The following WIZ variants were observed in gnomAD, a reference collection of about 807,000 sequenced individuals.
WIZ encodes WIZ zinc finger, also known as protein Wiz.
A neutral mutation model predicts 140.2 loss-of-function variants in WIZ; 25 were observed. That is an observed-to-expected ratio of 0.18 (90% CI 0.13 to 0.25). The LOEUF (loss-of-function observed/expected upper bound fraction) is 0.25, where lower values mean the gene tolerates loss of function less well. WIZ is among the 10% of genes least tolerant of loss of function. The pLI is 1.00. For missense variants in WIZ, 2,231 were observed against 2,632.6 expected (o/e 0.85, Z 3.34); for synonymous variants, 1,125 against 1,154.3 (o/e 0.97, Z 0.51).
chr19:15,433,445 G>T, intron 5 of WIZ: 2 of 739,710 alleles, frequency 2.7e-6, no homozygotes, highest in Non-Finnish European at 1.7e-6. Context: ...CCCAGACCTA[G>T]CCCTAATGTT....
At chr19:15,441,892 C>T (rs576190802) in intron 3 of WIZ, among the ~76,000 whole-genome samples, 23 of 152,146 alleles carry the variant, frequency 1.5e-4, no homozygotes, top group Non-Finnish European at 2.4e-4. Flanking sequence ...TCCTGATAAA[C>T]TTACTATGAC....
At position 15,429,852 on chromosome 19, in the gene WIZ, G is replaced by A. The variant is rs1341902564; in HGVS notation, c.3149C>T (p.Ala1050Val). Reference sequence around the variant, plus strand: ...CAGGCTGAGCAAGCCGGGCCGGGGGGCCCCGGCGACCACCTCCTTCAGTGA... The same window carrying A: ...CAGGCTGAGCAAGCCGGGCCGGGGGACCCCGGCGACCACCTCCTTCAGTGA... ...SSSLKEVVAG[A>V]PRPGLLSLAK... Residue 1050 changes from alanine (A) to valine (V), a missense_variant, in exon 7 of 13, where the codon GCC (alanine) becomes GTC (valine). Transcript: ENST00000673675. 5 of 1,530,020 alleles carry A rather than the reference G, an allele frequency of 3.3e-6. No individual in the cohort carries two copies. The highest frequency in any genetic ancestry group is 4.4e-6 in the Non-Finnish European group (5 of 1,142,782). The allele number at this position is 1,530,020 out of a possible 1,614,324, so 94.8% of individuals were successfully genotyped here. A position where few individuals can be genotyped will look rare whatever the true frequency, so the allele number is the denominator to read the frequency against.
In WIZ at chr19:15,427,056, G is replaced by T. The variant is rs1232838704; in HGVS notation, c.4292C>A (p.Ala1431Asp). ...VEIKREMLPGALHGELHPSEG... is the reference protein window; with the variant it reads ...VEIKREMLPGDLHGELHPSEG... The stretch of plus-strand genomic sequence containing the variant: ...AGATGGGTGCAGTTCCCCATGAAGG[G>T]CCCCCGGCAGCATCTCCCGCTTGAT... Residue 1431 changes from alanine to aspartate, a missense_variant, in exon 9 of 13, where the codon GCC (alanine) becomes GAC (aspartate). Transcript: ENST00000673675. The surrounding 1 kb of genome is among the most constrained non-coding windows in gnomAD (Gnocchi z 6.4). The T allele has an allele frequency of 1.2e-6, 2 of 1,614,130 alleles. No individual in the cohort carries two copies.
rs772612522 is a variant in WIZ at position 15,431,118 on chromosome 19, C to T, written c.2805G>A (p.Lys935=). The T allele has an allele frequency of 1.3e-6, 2 of 1,535,522 alleles. No homozygotes were observed. The highest frequency in any genetic ancestry group is 1.7e-6 in the Non-Finnish European group (2 of 1,146,660). Residue 935 remains lysine (K), a synonymous_variant, in exon 6 of 13, where the codon AAG becomes AAA. Coordinates refer to ENST00000673675, the MANE Select transcript of WIZ (RefSeq NM_001371589.1). ...CCAGGGCCCCAGGGACAGGCAGGCT[C>T]TTCTTAGGGAGCGAGGGAGAGCCCA... The part of the protein sequence containing the change: ...MDLGSPSLPK[K]SLPVPGALEQ...
In WIZ at chr19:15,430,995, C is replaced by G. The variant is rs1403195809; in HGVS notation, c.2911+17G>C. On this transcript the variant is annotated intron_variant, in intron 6 of 12. Transcript: ENST00000673675. ...AGCCTGGCCAGCATCCCCTGCCATG[C>G]CACCTGGGCCACTCACCCTTGAGGT... 4 of 1,505,234 alleles carry G rather than the reference C, an allele frequency of 2.7e-6. No individual in the cohort carries two copies. In the African/African-American group the frequency reaches 5.5e-5, roughly 21 times the overall value. 93.2% of individuals were successfully genotyped at this position (1,505,234 alleles called of 1,614,324 possible).
Position 15,428,868 on chromosome 19 carries a change from C to A in WIZ, c.3416-360G>T, listed in dbSNP as rs1448722197. On this transcript the variant is annotated intron_variant, in intron 7 of 12. Coordinates refer to ENST00000673675, the MANE Select transcript of WIZ (RefSeq NM_001371589.1). The surrounding 1 kb of genome is among the most constrained non-coding windows in gnomAD (Gnocchi z 6.4). ...GGCACACCTGCTCAAGGCCCTGCCCCTGGAAGCACGGCAGACTCAGTGGAA... is the reference window on the plus strand; with the variant it reads ...GGCACACCTGCTCAAGGCCCTGCCCATGGAAGCACGGCAGACTCAGTGGAA... Among the ~76,000 whole-genome samples the A allele has an allele frequency of 6.6e-6, 1 of 152,180 alleles. No homozygotes were observed. Among genetic ancestry groups the A allele is most frequent in the African/African-American group, 2.4e-5 (1 of 41,438 alleles).
chr19:15,437,260 T>C (rs1969551546), intron 4 of WIZ, 131 bp from the exon 5 acceptor site: 1 of 845,516 alleles, frequency 1.2e-6, no homozygotes, highest in Non-Finnish European at 1.8e-6. Context: ...TCCTGCCTGC[T>C]CCTCAGCTCT....
Position 15,436,904 on chromosome 19 carries a change from G to C in WIZ, c.2642C>G (p.Pro881Arg). ...PSPLGREPGGPPGSFLTSRRP... is the reference protein window; with the variant it reads ...PSPLGREPGGRPGSFLTSRRP... Reference sequence around the variant, plus strand: ...ACGGGAGGTCAGGAAGCTGCCAGGCGGACCCCCAGGCTCTCGGCCCAGGGG... The same window carrying C: ...ACGGGAGGTCAGGAAGCTGCCAGGCCGACCCCCAGGCTCTCGGCCCAGGGG... The change falls in exon 5 of 13, where the codon CCG becomes CGG. Residue 881 changes from proline to arginine, a missense_variant. Pro to Arg is a moderately radical substitution (Grantham distance 103). Transcript: ENST00000673675. 6.2e-7 allele frequency: 1 copy of C among 1,612,558 alleles called. No individual in the cohort carries two copies. The highest frequency in any genetic ancestry group is 8.5e-7 in the Non-Finnish European group (1 of 1,179,426).
Position 15,424,048 on chromosome 19 carries a change from C to G in WIZ, c.5510+135G>C. On this transcript the variant is annotated intron_variant, in intron 12 of 12. Transcript: ENST00000673675. The surrounding 1 kb of genome is among the most constrained non-coding windows in gnomAD (Gnocchi z 9.7). ...AAAGCTCAGGGTGTCAGCCTTTAGC[C>G]TGAGCCCCACCACACCCAAGGGCAG... is the stretch of plus-strand genomic sequence containing the variant. 1 of 802,030 alleles carries G rather than the reference C, an allele frequency of 1.2e-6. No individual in the cohort carries two copies. Among genetic ancestry groups the G allele is most frequent in the Non-Finnish European group, 1.8e-6 (1 of 544,506 alleles). 49.7% of individuals were successfully genotyped at this position (802,030 alleles called of 1,614,324 possible).
In WIZ at chr19:15,427,632, C is replaced by T. The variant is rs760854281; in HGVS notation, c.3815-99G>A. The T allele has an allele frequency of 6.5e-5, 88 of 1,348,254 alleles. 1 individual carries two copies. The highest frequency in any genetic ancestry group is 1.2e-4 in the African/African-American group (8 of 68,414). 83.5% of individuals were successfully genotyped at this position (1,348,254 alleles called of 1,614,324 possible). ...CGGCTGGGCGTGGGCGGCAGCAGCACGCCCACAGGTTAGGGTGGTGAGGGC... is the reference window on the plus strand; with the variant it reads ...CGGCTGGGCGTGGGCGGCAGCAGCATGCCCACAGGTTAGGGTGGTGAGGGC... On this transcript the variant is annotated intron_variant, in intron 8 of 12. Transcript: ENST00000673675. This position sits in a 1 kb window ranked among gnomAD's most constrained non-coding sequence, Gnocchi z 6.4.
intron 9 of WIZ, 131 bp downstream of exon 9, chr19:15,426,851 A>T: frequency 9.4e-7 from 1 of 1,069,442 alleles, no homozygotes; most frequent in Non-Finnish European, 1.3e-6. Flanking sequence ...ATACACAGCT[A>T]ACCCTGTGTC....
intron 5 of WIZ, among the ~76,000 whole-genome samples, chr19:15,433,707 G>A (rs569976208): frequency 6.6e-6 from 1 of 152,342 alleles, no homozygotes; most frequent in South Asian, 2.1e-4. Flanking sequence ...CAAGCCAGAC[G>A]TGGGTGAGCT....
chr19:15,429,717 G>C lies in WIZ; in HGVS notation c.3284C>G (p.Pro1095Arg). ...PPSSPLLKKT[P>R]LALAGSPTPK... ...GGTAGGGGAGCCCGCCAGGGCCAGT[G>C]GTGTCTTTTTGAGGAGTGGAGAGCT... The change falls in exon 7 of 13, where the codon CCA becomes CGA. Residue 1095 changes from proline to arginine, a missense_variant. Physicochemically the swap from Pro to Arg is moderately radical, Grantham distance 103. Coordinates refer to ENST00000673675, the MANE Select transcript of WIZ (RefSeq NM_001371589.1). 1.4e-6 allele frequency: 2 copies of C among 1,456,158 alleles called. No homozygotes were observed. Among genetic ancestry groups the C allele is most frequent in the Non-Finnish European group, 1.8e-6 (2 of 1,107,700 alleles). 90.2% of individuals were successfully genotyped at this position (1,456,158 alleles called of 1,614,324 possible).
rs1237638644 is a variant in WIZ, at chr19:15,442,446, G to A, written c.278+230C>T. Among the ~76,000 whole-genome samples, 11 of 152,174 alleles carry A rather than the reference G, an allele frequency of 7.2e-5. No homozygotes were observed. On this transcript the variant is annotated intron_variant, in intron 3 of 12. Transcript: ENST00000673675. The surrounding 1 kb of genome is among the most constrained non-coding windows in gnomAD (Gnocchi z 5.5). ...CAACATCCAGGCTCCTGCCCCTCTG[G>A]CCCTGCTCCTGGCAGGGATAATGAG... is the stretch of plus-strand genomic sequence containing the variant.
At position 15,430,084 on chromosome 19, in the gene WIZ, T is replaced by C. The variant is rs1216553172; in HGVS notation, c.2917A>G (p.Ser973Gly). The C allele has an allele frequency of 6.6e-7, 1 of 1,525,984 alleles. No homozygotes were observed. The highest frequency in any genetic ancestry group is 2.0e-5 in the Admixed American group (1 of 50,504). 94.5% of individuals were successfully genotyped at this position (1,525,984 alleles called of 1,614,324 possible). The change falls in exon 7 of 13, where the codon AGC becomes GGC. Residue 973 changes from serine (S) to glycine (G), a missense_variant. Physicochemically the swap from Ser to Gly is moderately conservative, Grantham distance 56. Coordinates refer to ENST00000673675, the MANE Select transcript of WIZ (RefSeq NM_001371589.1). ...KQELQDLKAQ[S>G]LTTCEVCGAC... ...CCGCAGACCTCGCAGGTGGTCAGGC[T>C]CTGGGCTGAAGGGCAACACAGAGGC...
At position 15,438,876 on chromosome 19, in the gene WIZ, G is replaced by A. The variant is rs1039626136; in HGVS notation, c.2118C>T (p.Pro706=). The change falls in exon 4 of 13, where the codon CCC becomes CCT. Residue 706 remains proline (P), a synonymous_variant. Transcript: ENST00000673675. ...AAARVPPRLQ[P]EELGLAGAHP... is the part of the protein sequence containing the mutation. ...GGGCGCCTGCCAGCCCCAGCTCCTC[G>A]GGCTGCAACCTTGGGGGCACCCTGG... The A allele has an allele frequency of 1.5e-5, 22 of 1,459,770 alleles. No homozygotes were observed. Among genetic ancestry groups the A allele is most frequent in the Admixed American group, 7.4e-5 (3 of 40,374 alleles). 90.4% of individuals were successfully genotyped at this position (1,459,770 alleles called of 1,614,324 possible). A position where few individuals can be genotyped will look rare whatever the true frequency, so the allele number is the denominator to read the frequency against.
At position 15,424,198 on chromosome 19, in the gene WIZ, T is replaced by C. The variant is rs750718905; in HGVS notation, c.5495A>G (p.Tyr1832Cys). Residue 1832 changes from tyrosine (Y) to cysteine (C), a missense_variant, in exon 12 of 13, where the codon TAC becomes TGC. Tyr to Cys is a radical substitution (Grantham distance 194). Coordinates refer to ENST00000673675, the MANE Select transcript of WIZ (RefSeq NM_001371589.1). This position sits in a 1 kb window ranked among gnomAD's most constrained non-coding sequence, Gnocchi z 9.7. ...GGCAGCCTACCTGCATTTGAGGGTG[T>C]AGATGTTGCCCACGAACTTGACAAG... ...TSLVKFVGNI[Y>C]TLKCRFCEVE... The C allele has an allele frequency of 6.4e-7, 1 of 1,564,560 alleles. No homozygotes were observed. The highest frequency in any genetic ancestry group is 8.6e-7 in the Non-Finnish European group (1 of 1,157,976).
chr19:15,436,765 G>C (rs1380177317), intron 5 of WIZ, 41 bp downstream of exon 5: 4 of 1,503,852 alleles, frequency 2.7e-6, no homozygotes, highest in Non-Finnish European at 3.5e-6. Flanking sequence ...TGGGCCCCTG[G>C]GAAGGATGGG....
Position 15,424,989 on chromosome 19 carries a change from GT to G in WIZ, c.4937del (p.Asn1646ThrfsTer18). 1 of 1,601,284 alleles carries G rather than the reference GT, an allele frequency of 6.2e-7. No homozygotes were observed. Among genetic ancestry groups the G allele is most frequent in the Non-Finnish European group, 8.5e-7 (1 of 1,175,542 alleles). ...GTGCGTGGCTGGCCAGGGCCTTGCGGTTTTCAAAGTAAAGGCCACACAGCTC... is the reference window on the plus strand; with the variant it reads ...GTGCGTGGCTGGCCAGGGCCTTGCGGTTTCAAAGTAAAGGCCACACAGCTC... ...CCELCGLYFE[N>X]RKALASHARA... On this transcript the variant is annotated frameshift_variant, in exon 11 of 13. Transcript: ENST00000673675. LOFTEE classifies it high-confidence loss of function. The surrounding 1 kb of genome is among the most constrained non-coding windows in gnomAD (Gnocchi z 9.7).
Sources: gnomAD v4.1 joint callset for allele counts (sites outside exome capture counted in the v4.1 genomes callset) on GRCh38, gnomAD v4.1.1 for gene constraint, Gnocchi (gnomAD v3.1) non-coding constraint, MANE v1.5 for transcripts, NCBI Gene and HGNC (gene_info 2026-07-23, HGNC 2026-07-21) for gene names.